ARHGEF11: variants seen among roughly 807,000 people sequenced by gnomAD.
The protein encoded by ARHGEF11 is Rho guanine nucleotide exchange factor 11, also known as Rho guanine exchange factor (GEF) 11.
A neutral mutation model predicts 193.7 loss-of-function variants in ARHGEF11; 55 were observed. The observed-to-expected ratio is 0.28, with a 90% CI of 0.23 to 0.36. ARHGEF11 has a LOEUF of 0.36. ARHGEF11 is among the 10% of genes least tolerant of loss of function. The pLI, the probability that ARHGEF11 is intolerant of heterozygous loss-of-function variation, is 1.00. For synonymous variants in ARHGEF11, 693 were observed against 768.0 expected (o/e 0.90, Z 1.62); for missense variants, 1,723 against 2,005.6 (o/e 0.86, Z 2.69).
intron 1 of ARHGEF11, among the ~76,000 whole-genome samples, chr1:157,015,309 T>G (rs1366298237): frequency 6.6e-6 from 1 of 152,192 alleles, no homozygotes; most frequent in Non-Finnish European, 1.5e-5. Flanking sequence ...TTGGGTAAGG[T>G]GCTTAATGCT....
At chr1:156,971,593 G>T in intron 8 of ARHGEF11, 104 bp downstream of exon 8, 1 of 1,424,198 alleles carries the variant, frequency 7.0e-7, no homozygotes, top group Non-Finnish European at 9.4e-7. Context: ...TCAGCCTTGA[G>T]GTCCTGGCAT....
Position 156,984,051 on chromosome 1 carries a change from G to A in ARHGEF11, c.223+288C>T, listed in dbSNP as rs143532976. On this transcript the variant is annotated intron_variant, in intron 3 of 40. Coordinates refer to ENST00000368194, the MANE Select transcript of ARHGEF11 (RefSeq NM_198236.3). ...TTCCTCCATGGAATCTTGTGACCCAGTATGAGGGGCTCCCTTCGATGGCAA... is the reference window on the plus strand; with the variant it reads ...TTCCTCCATGGAATCTTGTGACCCAATATGAGGGGCTCCCTTCGATGGCAA... Among the ~76,000 whole-genome samples, 44 of 152,376 alleles carry A rather than the reference G, an allele frequency of 2.9e-4. No homozygotes were observed. The East Asian group carries it at 8.5e-3, about 29-fold the overall frequency.
chr1:156,942,935 G>A (rs1657348832), intron 32 of ARHGEF11, among the ~76,000 whole-genome samples, 155 bp from the exon 33 acceptor site: 1 of 152,114 alleles, frequency 6.6e-6, no homozygotes. Context: ...GGACCACTTG[G>A]AACCCACTTA....
intron 1 of ARHGEF11, among the ~76,000 whole-genome samples, chr1:157,011,250 A>G (rs1478958313): frequency 1.3e-5 from 2 of 152,212 alleles, no homozygotes; most frequent in Non-Finnish European, 2.9e-5. Flanking sequence ...TAGACTTTTC[A>G]ATAAATGGTG....
intron 1 of ARHGEF11, 62 bp from the exon 2 acceptor site, chr1:156,986,235 G>C: frequency 7.1e-7 from 1 of 1,409,708 alleles, no homozygotes; most frequent in South Asian, 1.2e-5. Flanking sequence ...CCTTGTAGTA[G>C]ATGGAGGCTC....
At chr1:156,993,563 A>T (rs1010533313) in intron 1 of ARHGEF11, among the ~76,000 whole-genome samples, 2 of 152,186 alleles carry the variant, frequency 1.3e-5, no homozygotes, top group South Asian at 4.1e-4. Flanking sequence ...TAAACCAGGA[A>T]AGAGACAAGA....
At chr1:157,045,841 C>T (rs1326669220), upstream of ARHGEF11, among the ~76,000 whole-genome samples, 2 of 151,176 alleles carry the variant, frequency 1.3e-5, no homozygotes, top group African/African-American at 2.4e-5. Context: ...CCTTCCCTCC[C>T]TCCTTCCCTG....
chr1:156,967,076 C>T (rs559553222), intron 11 of ARHGEF11, among the ~76,000 whole-genome samples: 4 of 152,304 alleles, frequency 2.6e-5, no homozygotes, highest in African/African-American at 9.6e-5. Context: ...TTCTTCTACA[C>T]TGTCTTATAT....
chr1:157,019,832 G>C (rs1466046431), intron 1 of ARHGEF11, among the ~76,000 whole-genome samples: 1 of 152,164 alleles, frequency 6.6e-6, no homozygotes, highest in East Asian at 1.9e-4. Context: ...GAGAAAGGAG[G>C]CAAGTAGTTG....
upstream of ARHGEF11, among the ~76,000 whole-genome samples, chr1:157,046,806 C>T (rs1385206201): frequency 4.6e-5 from 7 of 151,536 alleles, no homozygotes; most frequent in Non-Finnish European, 7.4e-5. Flanking sequence ...GTCAGGAGTT[C>T]GAGACCATCC....
In ARHGEF11 at chr1:156,945,622, G is replaced by A. The variant is rs1309750156; in HGVS notation, c.2812+423C>T. On this transcript the variant is annotated intron_variant, in intron 29 of 40. Coordinates refer to ENST00000368194, the MANE Select transcript of ARHGEF11 (RefSeq NM_198236.3). Reference sequence around the variant, plus strand: ...AGGATCCCAGGGAGAGTGATAACCTGAGGCTAGACCCTCTTGTTCAGTCTG... The same window carrying A: ...AGGATCCCAGGGAGAGTGATAACCTAAGGCTAGACCCTCTTGTTCAGTCTG... The A allele has an allele frequency of 3.3e-5, 8 of 241,402 alleles. No individual in the cohort carries two copies. In the South Asian group the frequency reaches 5.2e-4, roughly 16 times the overall value. 15.0% of individuals were successfully genotyped at this position (241,402 alleles called of 1,614,324 possible). A position where few individuals can be genotyped will look rare whatever the true frequency, so the allele number is the denominator to read the frequency against.
intron 1 of ARHGEF11, among the ~76,000 whole-genome samples, chr1:157,006,193 T>C (rs1336426155): frequency 6.6e-6 from 1 of 152,138 alleles, no homozygotes; most frequent in Non-Finnish European, 1.5e-5. Context: ...GGTCTTGAAC[T>C]TCCTGGCCCT....
chr1:156,936,493 AAAAAATAT>A (rs1476664788), intron 40 of ARHGEF11, among the ~76,000 whole-genome samples: 186 of 62,382 alleles, frequency 3.0e-3, no homozygotes, highest in African/African-American at 0.012. Flanking sequence ...AAAAAAAAAA[AAAAAATAT>A]ATATATATAT....
intron 1 of ARHGEF11, among the ~76,000 whole-genome samples, chr1:157,027,878 G>T (rs1029400148): frequency 2.6e-5 from 4 of 152,122 alleles, no homozygotes; most frequent in African/African-American, 9.7e-5. Context: ...CTACTCTGAG[G>T]TCGCCATGTA....
chr1:157,041,753 G>C (rs2103104937), intron 1 of ARHGEF11, among the ~76,000 whole-genome samples: 1 of 152,246 alleles, frequency 6.6e-6, no homozygotes, highest in East Asian at 1.9e-4. Context: ...ATTTCATACA[G>C]GCAAACCAAA....
At chr1:156,984,826 C>T (rs2102467445) in intron 2 of ARHGEF11, among the ~76,000 whole-genome samples, 1 of 152,030 alleles carries the variant, frequency 6.6e-6, no homozygotes, top group South Asian at 2.1e-4. Context: ...CCAAGTGAGC[C>T]TAGAAGTTAC....
At position 156,953,919 on chromosome 1, in the gene ARHGEF11, T is replaced by C. The variant is rs549279032; in HGVS notation, c.1798+973A>G. On this transcript the variant is annotated intron_variant, in intron 21 of 40. Transcript: ENST00000368194. ...TTTTTTCACTGCTGTGGTTATACAG[T>C]GCTGGCAGTCAAACGTCAAAAGAGA... is the stretch of plus-strand genomic sequence containing the variant. 7.9e-5 allele frequency among the ~76,000 whole-genome samples: 12 copies of C among 152,296 alleles called. No individual in the cohort carries two copies. The East Asian group carries it at 2.3e-3, about 29-fold the overall frequency.
intron 32 of ARHGEF11, 90 bp downstream of exon 32, chr1:156,943,845 G>C (rs1390471306): frequency 6.8e-7 from 1 of 1,480,362 alleles, no homozygotes. Context: ...GGTAGGTCCT[G>C]TAAAGGCTCC....
At chr1:157,002,542 G>C (rs989233019) in intron 1 of ARHGEF11, among the ~76,000 whole-genome samples, 13 of 152,056 alleles carry the variant, frequency 8.5e-5, no homozygotes, top group African/African-American at 2.9e-4. Flanking sequence ...CAGTAACTAA[G>C]TCCATTTCTA....
Sources: gnomAD v4.1 joint callset for allele counts (sites outside exome capture counted in the v4.1 genomes callset) on GRCh38, gnomAD v4.1.1 for gene constraint, MANE v1.5 for transcripts, NCBI Gene and HGNC (gene_info 2026-07-23, HGNC 2026-07-21) for gene names.